WASHC3: variants seen among roughly 807,000 people sequenced by gnomAD.
WASHC3 encodes the protein WASH complex subunit CCDC53.
A neutral mutation model predicts 26.1 loss-of-function variants in WASHC3; 24 were observed. The ratio of observed to expected loss-of-function variants is 0.92; its 90% CI spans 0.66 to 1.29. The LOEUF is 1.29. Among genes scored for constraint, WASHC3 ranks in the 50% most tolerant of loss-of-function variants. WASHC3 has a pLI of 0.00. For missense variants in WASHC3, 214 were observed against 229.6 expected, an observed-to-expected ratio of 0.93 and a Z score of 0.44; for synonymous variants, 77 against 75.7, an observed-to-expected ratio of 1.02 and a Z score of -0.09.
intron 1 of WASHC3, 78 bp downstream of exon 1, chr12:102,061,834 T>C: frequency 7.7e-7 from 1 of 1,291,584 alleles, no homozygotes; most frequent in Non-Finnish European, 1.1e-6. Context: ...ACTCGGAAGG[T>C]GGGTGTCTCC....
At chr12:102,056,422 T>TAAA (rs1378640878) in intron 2 of WASHC3, among the ~76,000 whole-genome samples, 1 of 152,148 alleles carries the variant, frequency 6.6e-6, no homozygotes, top group Non-Finnish European at 1.5e-5. Flanking sequence ...TTCCTAGGGA[T>TAAA]AAAAAAGGGG....
At chr12:102,048,598 A>G (rs1012567604) in intron 2 of WASHC3, among the ~76,000 whole-genome samples, 2 of 151,634 alleles carry the variant, frequency 1.3e-5, no homozygotes, top group African/African-American at 4.9e-5. Context: ...AAAAAATCAC[A>G]GTGGTTTTAG....
intron 6 of WASHC3, among the ~76,000 whole-genome samples, chr12:102,020,442 G>C (rs1876904433): frequency 6.6e-6 from 1 of 152,122 alleles, no homozygotes; most frequent in Non-Finnish European, 1.5e-5. Flanking sequence ...AATATGAAGA[G>C]AGTCCTAAAA....
chr12:102,020,369 G>A (rs527774564), intron 6 of WASHC3, among the ~76,000 whole-genome samples: 14 of 152,238 alleles, frequency 9.2e-5, no homozygotes, highest in African/African-American at 2.6e-4. Context: ...AGATTTTTCA[G>A]CTATGAGAGT....
Position 102,040,134 on chromosome 12 carries a change from T to C in WASHC3, c.325-156A>G, listed in dbSNP as rs1266633218. 3 of 382,422 alleles carry C rather than the reference T, an allele frequency of 7.8e-6. No homozygotes were observed. In the Admixed American group the frequency reaches 1.3e-4, roughly 16 times the overall value. 23.7% of individuals were successfully genotyped at this position (382,422 alleles called of 1,614,324 possible). A position where few individuals can be genotyped will look rare whatever the true frequency, so the allele number is the denominator to read the frequency against. ...AATACCAATAATTTAATATGAGATATGTTTCCAAATATCTACAAATATTTA... is the reference window on the plus strand; with the variant it reads ...AATACCAATAATTTAATATGAGATACGTTTCCAAATATCTACAAATATTTA... On this transcript the variant is annotated intron_variant, in intron 4 of 6. Transcript: ENST00000240079.
At chr12:102,038,719 A>T (rs533844956) in intron 5 of WASHC3, among the ~76,000 whole-genome samples, 1 of 152,236 alleles carries the variant, frequency 6.6e-6, no homozygotes, top group South Asian at 2.1e-4. Flanking sequence ...ATTGACCGCC[A>T]ATATCCTGAG....
intron 6 of WASHC3, among the ~76,000 whole-genome samples, chr12:102,020,386 C>T (rs1876901119): frequency 6.6e-6 from 1 of 152,192 alleles, no homozygotes; most frequent in Non-Finnish European, 1.5e-5. Context: ...GAGTCCATAA[C>T]TTCCCTTCTT....
At chr12:102,043,149 T>G (rs1479584857) in intron 4 of WASHC3, among the ~76,000 whole-genome samples, 2 of 152,204 alleles carry the variant, frequency 1.3e-5, no homozygotes, top group Non-Finnish European at 2.9e-5. Context: ...ATCAGCAGTT[T>G]TGGGGTGGAG....
chr12:102,043,603 A>T (rs1194399510), intron 4 of WASHC3: 2 of 152,436 alleles, frequency 1.3e-5, no homozygotes, highest in Non-Finnish European at 2.9e-5. Flanking sequence ...TGATAAAGGC[A>T]TTTATATAAG....
At chr12:102,055,426 A>G (rs1023770964) in intron 2 of WASHC3, among the ~76,000 whole-genome samples, 1 of 152,074 alleles carries the variant, frequency 6.6e-6, no homozygotes, top group Non-Finnish European at 1.5e-5. Context: ...GCTCACTGCA[A>G]CCTCCACCTC....
At chr12:102,058,264 G>A (rs943373788) in intron 2 of WASHC3, among the ~76,000 whole-genome samples, 6 of 151,968 alleles carry the variant, frequency 3.9e-5, no homozygotes, top group African/African-American at 1.2e-4. Flanking sequence ...AATTTAACAC[G>A]AAAAGGATTC....
intron 6 of WASHC3, among the ~76,000 whole-genome samples, chr12:102,025,149 A>G (rs538969733): frequency 2.0e-5 from 3 of 152,312 alleles, no homozygotes; most frequent in South Asian, 4.1e-4. Flanking sequence ...GAAAAATTCC[A>G]AAGTATACTG....
At chr12:102,032,585 G>A (rs894131130) in intron 5 of WASHC3, among the ~76,000 whole-genome samples, 3 of 151,948 alleles carry the variant, frequency 2.0e-5, no homozygotes, top group African/African-American at 7.3e-5. Flanking sequence ...TATAAAACTT[G>A]GTTAAAAAGG....
intron 5 of WASHC3, among the ~76,000 whole-genome samples, chr12:102,028,536 T>C (rs895909359): frequency 4.6e-5 from 7 of 151,882 alleles, no homozygotes; most frequent in Non-Finnish European, 8.8e-5. Context: ...CAGGACGTCA[T>C]TGGAAAGGTT....
chr12:102,014,546 G>A (rs998347252), intron 6 of WASHC3, among the ~76,000 whole-genome samples: 1 of 152,080 alleles, frequency 6.6e-6, no homozygotes, highest in Non-Finnish European at 1.5e-5. Flanking sequence ...TTAAAATTAT[G>A]GCTTATATTT....
chr12:102,023,146 G>A (rs1389434876), intron 6 of WASHC3, among the ~76,000 whole-genome samples: 1 of 151,986 alleles, frequency 6.6e-6, no homozygotes. Context: ...CTAAAATTCT[G>A]TAATAGTCAT....
intron 6 of WASHC3, among the ~76,000 whole-genome samples, chr12:102,015,050 C>T (rs1285754798): frequency 6.6e-6 from 1 of 152,166 alleles, no homozygotes; most frequent in Non-Finnish European, 1.5e-5. Context: ...TGCCTGTAAT[C>T]CCAGCACTTT....
At chr12:102,032,891 T>C (rs1371169304) in intron 5 of WASHC3, among the ~76,000 whole-genome samples, 2 of 152,158 alleles carry the variant, frequency 1.3e-5, no homozygotes, top group Admixed American at 6.5e-5. Flanking sequence ...CTAATCATTG[T>C]TTTATCTCTC....
At chr12:102,020,672 A>C (rs550171613) in intron 6 of WASHC3, among the ~76,000 whole-genome samples, 5 of 152,348 alleles carry the variant, frequency 3.3e-5, no homozygotes, top group Admixed American at 3.3e-4. Context: ...TGAATAGGAG[A>C]TGATGAGGTA....
Sources: gnomAD v4.1 joint callset for allele counts (sites outside exome capture counted in the v4.1 genomes callset) on GRCh38, gnomAD v4.1.1 for gene constraint, MANE v1.5 for transcripts, NCBI Gene and HGNC (gene_info 2026-07-23, HGNC 2026-07-21) for gene names.